Variants in SGCZ observed in about 807,000 individuals in gnomAD.
The protein encoded by SGCZ is sarcoglycan zeta, also known as zeta-sarcoglycan.
In SGCZ, 40 loss-of-function variants were observed where a neutral mutation model predicts 41.3. The observed-to-expected ratio is 0.97, with a 90% CI of 0.75 to 1.26. The LOEUF (loss-of-function observed/expected upper bound fraction) is 1.26, where lower values mean the gene tolerates loss of function less well. SGCZ is among the 50% of genes most tolerant of loss of function. The pLI, the probability that SGCZ is intolerant of heterozygous loss-of-function variation, is 0.00. For synonymous variants in SGCZ, 206 were observed against 137.5 expected (o/e 1.50, Z -3.49); for missense variants, 552 against 369.8 (o/e 1.49, Z -4.04).
chr8:14,404,426 G>C (rs1049902711), intron 2 of SGCZ, among the ~76,000 whole-genome samples: 3 of 152,142 alleles, frequency 2.0e-5, no homozygotes, highest in African/African-American at 7.2e-5. Context: ...AGCATTCAAA[G>C]AGGCAGGGGA....
intron 3 of SGCZ, among the ~76,000 whole-genome samples, chr8:14,241,235 A>C (rs553997156): frequency 9.9e-5 from 15 of 152,030 alleles, no homozygotes; most frequent in Admixed American, 2.6e-4. Context: ...TATGTGGTTT[A>C]AGATATTTAA....
intron 1 of SGCZ, among the ~76,000 whole-genome samples, chr8:14,722,885 G>A (rs1010894): frequency 0.083 from 12,563 of 152,080 alleles, 1,105 homozygotes; most frequent in African/African-American, 0.22. Flanking sequence ...AATAAAATGC[G>A]TTCCATTTCA....
At chr8:14,366,103 T>A (rs1295385255) in intron 2 of SGCZ, among the ~76,000 whole-genome samples, 1 of 152,190 alleles carries the variant, frequency 6.6e-6, no homozygotes, top group African/African-American at 2.4e-5. Context: ...TAAATGCCAC[T>A]AGAGTCTTCG....
intron 3 of SGCZ, among the ~76,000 whole-genome samples, chr8:14,271,699 G>A (rs979397724): frequency 6.6e-6 from 1 of 152,108 alleles, no homozygotes; most frequent in East Asian, 1.9e-4. Context: ...CTTGACTGGG[G>A]TTTTTATATC....
intron 1 of SGCZ, among the ~76,000 whole-genome samples, chr8:14,656,254 A>G (rs1475150166): frequency 6.6e-6 from 1 of 152,028 alleles, no homozygotes; most frequent in South Asian, 2.1e-4. Context: ...CACCAGAATT[A>G]TATATGTTGA....
At chr8:14,173,045 G>A (rs900169334) in intron 4 of SGCZ, among the ~76,000 whole-genome samples, 1 of 152,058 alleles carries the variant, frequency 6.6e-6, no homozygotes, top group African/African-American at 2.4e-5. Context: ...GAGTGCCACA[G>A]TTTAGAACTA....
chr8:14,719,777 G>C (rs1326912249), intron 1 of SGCZ, among the ~76,000 whole-genome samples: 1 of 151,662 alleles, frequency 6.6e-6, no homozygotes, highest in East Asian at 2.0e-4. Flanking sequence ...TGAGTAGGTT[G>C]CTAAAATTTT....
intron 1 of SGCZ, among the ~76,000 whole-genome samples, chr8:15,231,604 T>C (rs1309261467): frequency 2.0e-5 from 3 of 146,490 alleles, no homozygotes; most frequent in African/African-American, 7.5e-5. Context: ...TGGATGTTAA[T>C]ATATTCTTTT....
In SGCZ at chr8:14,904,249, G is replaced by A. The variant is rs561294280; in HGVS notation, c.39+333336C>T. Among the ~76,000 whole-genome samples, 4 of 152,082 alleles carry A rather than the reference G, an allele frequency of 2.6e-5. No homozygotes were observed. The South Asian group carries it at 6.2e-4, about 24-fold the overall frequency. Reference sequence around the variant, plus strand: ...TGAACTTCTTCCTTTGGGAAAATACGCTTGATTTCTCCATCCCTGTGGTCG... The same window carrying A: ...TGAACTTCTTCCTTTGGGAAAATACACTTGATTTCTCCATCCCTGTGGTCG... On this transcript the variant is annotated intron_variant, in intron 1 of 7. Coordinates refer to ENST00000382080, the MANE Select transcript of SGCZ (RefSeq NM_139167.4).
intron 2 of SGCZ, among the ~76,000 whole-genome samples, chr8:14,546,353 T>C (rs1209755094): frequency 2.0e-5 from 3 of 152,140 alleles, no homozygotes; most frequent in African/African-American, 7.2e-5. Flanking sequence ...CGGGCTTAAA[T>C]CACCTCCAGA....
intron 5 of SGCZ, among the ~76,000 whole-genome samples, chr8:14,154,055 T>C (rs1803801124): frequency 6.6e-6 from 1 of 152,068 alleles, no homozygotes. Flanking sequence ...ATCTCGAACT[T>C]CTAGCCTCTA....
chr8:14,704,071 G>C, intron 1 of SGCZ, among the ~76,000 whole-genome samples: 1 of 151,988 alleles, frequency 6.6e-6, no homozygotes, highest in Non-Finnish European at 1.5e-5. Context: ...GGATGTATCA[G>C]CATAAGAAAT....
chr8:14,194,508 T>G (rs919540383), intron 4 of SGCZ, among the ~76,000 whole-genome samples: 1 of 151,908 alleles, frequency 6.6e-6, no homozygotes, highest in African/African-American at 2.4e-5. Flanking sequence ...TCATTTATGT[T>G]TGGGACTCTG....
At chr8:14,988,144 A>C (rs1395699137) in intron 1 of SGCZ, among the ~76,000 whole-genome samples, 1 of 152,002 alleles carries the variant, frequency 6.6e-6, no homozygotes, top group Non-Finnish European at 1.5e-5. Flanking sequence ...TTTAGGGGAT[A>C]CATCTCATTC....
chr8:15,091,403 T>C (rs1806149723), intron 1 of SGCZ, among the ~76,000 whole-genome samples: 1 of 152,232 alleles, frequency 6.6e-6, no homozygotes, highest in Admixed American at 6.5e-5. Context: ...TTTCACTACT[T>C]TTTACATTCA....
intron 2 of SGCZ, among the ~76,000 whole-genome samples, chr8:14,486,932 GTAA>G (rs935940241): frequency 1.3e-5 from 2 of 152,148 alleles, no homozygotes; most frequent in African/African-American, 4.8e-5. Flanking sequence ...TTGGAACAGA[GTAA>G]TAATTAGTAG....
At chr8:14,254,065 C>A (rs1294393022) in intron 3 of SGCZ, among the ~76,000 whole-genome samples, 1 of 152,096 alleles carries the variant, frequency 6.6e-6, no homozygotes, top group South Asian at 2.1e-4. Flanking sequence ...CAACCTTAAA[C>A]ACAGTCTTAA....
chr8:14,717,043 G>T (rs1809712913), intron 1 of SGCZ, among the ~76,000 whole-genome samples: 1 of 151,974 alleles, frequency 6.6e-6, no homozygotes, highest in Non-Finnish European at 1.5e-5. Flanking sequence ...CTACATTTTT[G>T]AATAATGCTC....
intron 4 of SGCZ, among the ~76,000 whole-genome samples, chr8:14,194,682 T>C (rs1805209804): frequency 6.6e-6 from 1 of 151,992 alleles, no homozygotes; most frequent in African/African-American, 2.4e-5. Flanking sequence ...ATACAAAATA[T>C]ATAATTCTGG....
Sources: gnomAD v4.1 joint callset for allele counts (sites outside exome capture counted in the v4.1 genomes callset) on GRCh38, gnomAD v4.1.1 for gene constraint, MANE v1.5 for transcripts, NCBI Gene and HGNC (gene_info 2026-07-23, HGNC 2026-07-21) for gene names.